The following EPHA6 variants were observed in gnomAD, a reference collection of about 807,000 sequenced individuals.
The protein encoded by EPHA6 is EPH receptor A6.
EPHA6 carries 50 observed loss-of-function variants against 112.0 expected under a neutral mutation model. That is an observed-to-expected ratio of 0.45 (90% confidence interval 0.36 to 0.56). EPHA6 has a LOEUF of 0.56. Among genes scored for constraint, EPHA6 ranks in the 20% least tolerant of loss-of-function variants. The pLI is 0.00. For synonymous variants in EPHA6, 529 were observed against 490.7 expected (o/e 1.08, Z -1.03); for missense variants, 1,280 against 1,417.4 (o/e 0.90, Z 1.56).
intron 8 of EPHA6, among the ~76,000 whole-genome samples, chr3:97,478,947 T>C (rs1222300628): frequency 6.6e-6 from 1 of 152,154 alleles, no homozygotes; most frequent in Non-Finnish European, 1.5e-5. Context: ...GACAGTTGTA[T>C]ACATTTCTGA....
intron 3 of EPHA6, among the ~76,000 whole-genome samples, chr3:97,151,275 A>G: frequency 6.6e-6 from 1 of 152,160 alleles, no homozygotes. Context: ...AACTCCACTT[A>G]GAAGTGATCT....
chr3:97,125,040 G>A (rs2048146075), intron 3 of EPHA6, among the ~76,000 whole-genome samples: 1 of 152,080 alleles, frequency 6.6e-6, no homozygotes, highest in Admixed American at 6.6e-5. Context: ...CACCTCATAG[G>A]AAAAAGTCAA....
At chr3:97,346,667 A>AT (rs59747272) in intron 5 of EPHA6, among the ~76,000 whole-genome samples, 18,915 of 145,528 alleles carry the variant, frequency 0.13, 2,067 homozygotes, top group Admixed American at 0.27. Flanking sequence ...CAGATGTTCA[A>AT]TTTTTTTTTT....
At chr3:97,320,822 A>AT (rs1309669838) in intron 5 of EPHA6, among the ~76,000 whole-genome samples, 1 of 139,256 alleles carries the variant, frequency 7.2e-6, no homozygotes. Flanking sequence ...GGGGCAAAAA[A>AT]TAAAAAAAAT....
chr3:97,674,478 T>C (rs2031162068), intron 14 of EPHA6, among the ~76,000 whole-genome samples: 1 of 152,226 alleles, frequency 6.6e-6, no homozygotes, highest in Admixed American at 6.5e-5. Context: ...TAATTAATTA[T>C]ACCTATAGTC....
At chr3:97,345,629 G>A (rs1364733922) in intron 5 of EPHA6, among the ~76,000 whole-genome samples, 2 of 139,552 alleles carry the variant, frequency 1.4e-5, no homozygotes, top group Non-Finnish European at 2.9e-5. Flanking sequence ...ATATCCCTGT[G>A]AATGCATCAA....
At chr3:97,488,512 G>A (rs1481630611) in intron 10 of EPHA6, among the ~76,000 whole-genome samples, 1 of 152,026 alleles carries the variant, frequency 6.6e-6, no homozygotes, top group Non-Finnish European at 1.5e-5. Flanking sequence ...AACCCAGCAG[G>A]CCTCTATTTT....
chr3:96,901,038 T>C (rs2038578722), intron 2 of EPHA6, among the ~76,000 whole-genome samples: 1 of 152,044 alleles, frequency 6.6e-6, no homozygotes, highest in African/African-American at 2.4e-5. Context: ...CAGTGTTGGT[T>C]CTATCTACAC....
intron 14 of EPHA6, chr3:97,646,367 T>C: frequency 8.6e-7 from 1 of 1,166,390 alleles, no homozygotes; most frequent in South Asian, 2.2e-5. Context: ...TAAGACAGTA[T>C]TGTCCACATT....
intron 3 of EPHA6, among the ~76,000 whole-genome samples, chr3:97,192,435 A>G (rs2077331944): frequency 6.6e-6 from 1 of 152,052 alleles, no homozygotes; most frequent in South Asian, 2.1e-4. Context: ...CTTTTGAGAA[A>G]CATCTACTTA....
At chr3:97,436,545 A>C (rs2089847165) in intron 6 of EPHA6, among the ~76,000 whole-genome samples, 1 of 152,152 alleles carries the variant, frequency 6.6e-6, no homozygotes, top group Non-Finnish European at 1.5e-5. Context: ...TTTCTGCTGC[A>C]TTTTCAATGC....
At chr3:96,868,462 C>T (rs907059355) in intron 2 of EPHA6, among the ~76,000 whole-genome samples, 6 of 151,614 alleles carry the variant, frequency 4.0e-5, no homozygotes, top group African/African-American at 1.5e-4. Context: ...ACTTAAAATC[C>T]ACCAGAACCA....
chr3:97,510,237 A>G (rs1347465557), intron 10 of EPHA6, among the ~76,000 whole-genome samples: 2 of 152,020 alleles, frequency 1.3e-5, no homozygotes, highest in Non-Finnish European at 2.9e-5. Flanking sequence ...CTTGCTTGTG[A>G]GGAGCTGTGA....
chr3:97,166,634 A>G (rs1480743577), intron 3 of EPHA6, among the ~76,000 whole-genome samples: 2 of 152,192 alleles, frequency 1.3e-5, no homozygotes, highest in Non-Finnish European at 2.9e-5. Flanking sequence ...ACAGTTGTTT[A>G]GTTTGTGGAC....
chr3:97,117,049 A>G (rs2047909387), intron 3 of EPHA6, among the ~76,000 whole-genome samples: 1 of 151,548 alleles, frequency 6.6e-6, no homozygotes, highest in Non-Finnish European at 1.5e-5. Flanking sequence ...ATATCTCACT[A>G]TAGTTTTAAT....
rs1480918708 is a variant in EPHA6, at chr3:97,752,195, C to T, written c.*3494C>T. The stretch of plus-strand genomic sequence containing the variant: ...GAATAAAACTGCCTTCCAGCAACAG[C>T]TTTAAAACCTATCTCAGCCCATGAA... On this transcript the variant is annotated 3_prime_UTR_variant, in exon 18 of 18. Coordinates refer to ENST00000389672, the MANE Select transcript of EPHA6 (RefSeq NM_001080448.3). The T allele has an allele frequency of 2.2e-5, 5 of 223,148 alleles. No homozygotes were observed. Among genetic ancestry groups the T allele is most frequent in the Non-Finnish European group, 4.5e-5 (5 of 111,704 alleles). The allele number at this position is 223,148 out of a possible 1,614,324, so 13.8% of individuals were successfully genotyped here. A position where few individuals can be genotyped will look rare whatever the true frequency, so the allele number is the denominator to read the frequency against.
chr3:97,117,473 C>A (rs1211584808), intron 3 of EPHA6, among the ~76,000 whole-genome samples: 1 of 151,648 alleles, frequency 6.6e-6, no homozygotes, highest in South Asian at 2.1e-4. Context: ...ATCTTTATTT[C>A]GCTTTGAGTC....
intron 2 of EPHA6, among the ~76,000 whole-genome samples, chr3:96,958,223 GA>G (rs2041833131): frequency 6.6e-6 from 1 of 151,720 alleles, no homozygotes; most frequent in African/African-American, 2.4e-5. Context: ...CCGGGAGGCG[GA>G]GGTTGCAGTG....
intron 2 of EPHA6, among the ~76,000 whole-genome samples, chr3:96,882,429 G>A (rs190581073): frequency 4.3e-4 from 65 of 152,224 alleles, no homozygotes; most frequent in Admixed American, 4.2e-3. Flanking sequence ...GTGGTGATTT[G>A]TGAGATTTTG....
Sources: gnomAD v4.1 joint callset for allele counts (sites outside exome capture counted in the v4.1 genomes callset) on GRCh38, gnomAD v4.1.1 for gene constraint, MANE v1.5 for transcripts, NCBI Gene and HGNC (gene_info 2026-07-23, HGNC 2026-07-21) for gene names.